The following SLC24A2 variants were observed in gnomAD, a reference collection of about 807,000 sequenced individuals.
SLC24A2 encodes the protein solute carrier family 24 member 2, also known as sodium/potassium/calcium exchanger 2.
In SLC24A2, 36 loss-of-function variants were observed where a neutral mutation model predicts 62.0. The observed-to-expected ratio is 0.58, with a 90% CI of 0.44 to 0.77. The LOEUF is 0.77. SLC24A2 is among the 30% of genes least tolerant of loss of function. The probability of loss-of-function intolerance (pLI) is 0.00; values close to 1 mark genes in which losing one functional copy is unlikely to be tolerated. For synonymous variants in SLC24A2, 358 were observed against 294.0 expected (o/e 1.22, Z -2.23); for missense variants, 846 against 817.9 (o/e 1.03, Z -0.42).
the SLC24A2 span, among the ~76,000 whole-genome samples, chr9:19,859,367 G>A: frequency 2.0e-5 from 3 of 152,102 alleles, no homozygotes; most frequent in East Asian, 3.9e-4. Flanking sequence ...TGGGAAAAGG[G>A]AGAAGATTAA....
chr9:20,172,283 C>T, the SLC24A2 span, among the ~76,000 whole-genome samples: 1 of 151,656 alleles, frequency 6.6e-6, no homozygotes, highest in Non-Finnish European at 1.5e-5. Context: ...TAGGTCACAC[C>T]AGGAACTAGA....
chr9:20,305,146 G>A, the SLC24A2 span, among the ~76,000 whole-genome samples: 2 of 137,236 alleles, frequency 1.5e-5, no homozygotes, highest in East Asian at 2.1e-4. Context: ...GTCTTGCTCT[G>A]TCACCACGCT....
chr9:20,219,204 G>C, the SLC24A2 span, among the ~76,000 whole-genome samples: 1 of 152,166 alleles, frequency 6.6e-6, no homozygotes, highest in African/African-American at 2.4e-5. Flanking sequence ...AGAGGCTGTG[G>C]AGAAGGCTGT....
chr9:20,188,068 C>T, the SLC24A2 span, among the ~76,000 whole-genome samples: 4 of 152,220 alleles, frequency 2.6e-5, no homozygotes, highest in African/African-American at 9.6e-5. Context: ...TCCTGATCCC[C>T]ACCTGGCCTC....
At chr9:19,935,573 C>A in the SLC24A2 span, among the ~76,000 whole-genome samples, 1 of 152,224 alleles carries the variant, frequency 6.6e-6, no homozygotes, top group Non-Finnish European at 1.5e-5. Flanking sequence ...AGCTGAGTGG[C>A]TGCCTGATTA....
intron 4 of SLC24A2, among the ~76,000 whole-genome samples, chr9:19,615,104 G>C (rs1013435424): frequency 6.6e-6 from 1 of 152,120 alleles, no homozygotes; most frequent in Admixed American, 6.6e-5. Context: ...CACTAATGAA[G>C]GCTTTTGGCA....
the SLC24A2 span, among the ~76,000 whole-genome samples, chr9:20,219,171 G>A: frequency 1.3e-5 from 2 of 152,192 alleles, no homozygotes; most frequent in Non-Finnish European, 2.9e-5. Context: ...GTTTCAGAGA[G>A]AGACACTGTT....
the SLC24A2 span, among the ~76,000 whole-genome samples, chr9:19,951,845 T>C: frequency 6.6e-6 from 1 of 152,132 alleles, no homozygotes; most frequent in Non-Finnish European, 1.5e-5. Flanking sequence ...AATTTTAGAA[T>C]TTTCTCATCA....
chr9:19,565,678 C>T (rs1444415545), intron 7 of SLC24A2, among the ~76,000 whole-genome samples: 1 of 152,132 alleles, frequency 6.6e-6, no homozygotes, highest in African/African-American at 2.4e-5. Context: ...GCCAAAAGAA[C>T]AAAGCTGGAG....
intron 2 of SLC24A2, among the ~76,000 whole-genome samples, chr9:19,722,309 A>C (rs1821049576): frequency 6.6e-6 from 1 of 152,116 alleles, no homozygotes; most frequent in African/African-American, 2.4e-5. Flanking sequence ...TGAAGTAATA[A>C]AAATATAACT....
chr9:19,891,226 C>T, the SLC24A2 span, among the ~76,000 whole-genome samples: 1 of 152,202 alleles, frequency 6.6e-6, no homozygotes, highest in Non-Finnish European at 1.5e-5. Context: ...TTCACACCAG[C>T]CTCTGCAGAG....
intron 2 of SLC24A2, among the ~76,000 whole-genome samples, chr9:19,725,984 C>T (rs933468397): frequency 6.6e-6 from 1 of 152,168 alleles, no homozygotes; most frequent in African/African-American, 2.4e-5. Flanking sequence ...AAAAAGTATG[C>T]TTTCAGTATA....
the SLC24A2 span, among the ~76,000 whole-genome samples, chr9:20,140,866 C>G: frequency 6.6e-6 from 1 of 152,186 alleles, no homozygotes. Context: ...AAAGTCCTGC[C>G]TTTCCAAAAT....
chr9:20,280,205 G>T, the SLC24A2 span, among the ~76,000 whole-genome samples: 2 of 152,226 alleles, frequency 1.3e-5, no homozygotes, highest in Admixed American at 1.3e-4. Context: ...GTTAAACGAA[G>T]ATGTGGCTCA....
the SLC24A2 span, among the ~76,000 whole-genome samples, chr9:19,974,722 A>G: frequency 6.6e-6 from 1 of 152,200 alleles, no homozygotes; most frequent in Non-Finnish European, 1.5e-5. Flanking sequence ...TTGAATCTAC[A>G]GATTTTTGGA....
At chr9:19,531,258 C>G (rs373090300) in intron 8 of SLC24A2, among the ~76,000 whole-genome samples, 1 of 152,098 alleles carries the variant, frequency 6.6e-6, no homozygotes. Flanking sequence ...TGGACCATTC[C>G]CCTTACTTGG....
chr9:20,216,768 T>C, the SLC24A2 span, among the ~76,000 whole-genome samples: 7 of 152,232 alleles, frequency 4.6e-5, no homozygotes, highest in Admixed American at 4.6e-4. Flanking sequence ...ATTACATGTC[T>C]CATTTGTTGT....
At chr9:20,264,824 T>C in the SLC24A2 span, among the ~76,000 whole-genome samples, 1 of 152,232 alleles carries the variant, frequency 6.6e-6, no homozygotes, top group East Asian at 1.9e-4. Flanking sequence ...AAAAACAACA[T>C]GCCTGTAAAA....
At chr9:20,048,966 T>C in the SLC24A2 span, among the ~76,000 whole-genome samples, 7 of 152,194 alleles carry the variant, frequency 4.6e-5, no homozygotes, top group South Asian at 6.2e-4. Context: ...AGTTTTAGGA[T>C]ACATGTGCAC....
Sources: gnomAD v4.1 joint callset for allele counts (sites outside exome capture counted in the v4.1 genomes callset) on GRCh38, gnomAD v4.1.1 for gene constraint, MANE v1.5 for transcripts, NCBI Gene and HGNC (gene_info 2026-07-23, HGNC 2026-07-21) for gene names.